CALN1: variants seen among roughly 807,000 people sequenced by gnomAD.
The protein encoded by CALN1 is calcium-binding protein 8.
Under a neutral mutation model 30.6 loss-of-function variants are expected in CALN1, and 17 were observed. That is an observed-to-expected ratio of 0.56 (90% CI 0.38 to 0.83). CALN1 has a LOEUF of 0.83. Ranked by LOEUF, CALN1 falls within the 40% of genes least tolerant of loss-of-function variation. CALN1 has a pLI of 0.00. For missense variants in CALN1, 291 were observed against 354.9 expected, an observed-to-expected ratio of 0.82 and a Z score of 1.45; for synonymous variants, 156 against 131.4, an observed-to-expected ratio of 1.19 and a Z score of -1.28.
At chr7:71,942,934 G>A (rs539089224) in intron 5 of CALN1, among the ~76,000 whole-genome samples, 9 of 152,178 alleles carry the variant, frequency 5.9e-5, no homozygotes, top group African/African-American at 1.2e-4. Flanking sequence ...GAATGTAACC[G>A]TTTGTGTATC....
chr7:72,354,565 G>GA (rs1562916562), intron 2 of CALN1, among the ~76,000 whole-genome samples: 2 of 152,184 alleles, frequency 1.3e-5, no homozygotes. Flanking sequence ...AGCTAATCAA[G>GA]AGAGTGTGGT....
chr7:71,806,869 G>A (rs1293926227), intron 6 of CALN1, among the ~76,000 whole-genome samples: 2 of 152,128 alleles, frequency 1.3e-5, no homozygotes, highest in Non-Finnish European at 2.9e-5. Flanking sequence ...TGGATTTGAG[G>A]GTTCCTCCTG....
chr7:72,461,640 C>A, the CALN1 span, among the ~76,000 whole-genome samples: 1 of 152,138 alleles, frequency 6.6e-6, no homozygotes, highest in Admixed American at 6.5e-5. Context: ...GAATAATGGA[C>A]CCTGGGGACT....
intron 2 of CALN1, among the ~76,000 whole-genome samples, chr7:72,326,453 C>A (rs771133186): frequency 9.9e-5 from 15 of 152,134 alleles, no homozygotes; most frequent in East Asian, 1.9e-4. Flanking sequence ...AGTTTGCCTG[C>A]TGAGATGGAA....
chr7:72,384,897 C>T (rs562112566), intron 2 of CALN1, among the ~76,000 whole-genome samples: 35 of 151,856 alleles, frequency 2.3e-4, no homozygotes, highest in Non-Finnish European at 4.1e-4. Context: ...TATTTGAGAA[C>T]GCATATCTGA....
chr7:72,385,357 T>C (rs910717692), intron 2 of CALN1, among the ~76,000 whole-genome samples: 1 of 152,212 alleles, frequency 6.6e-6, no homozygotes, highest in Non-Finnish European at 1.5e-5. Context: ...CAAATGTTTA[T>C]AGCAGCTTTA....
At chr7:72,074,947 T>C (rs1010492399) in intron 4 of CALN1, among the ~76,000 whole-genome samples, 1 of 152,168 alleles carries the variant, frequency 6.6e-6, no homozygotes, top group Non-Finnish European at 1.5e-5. Flanking sequence ...AGTCAAAAAC[T>C]TATTAATTAA....
intron 3 of CALN1, among the ~76,000 whole-genome samples, chr7:72,171,274 T>G (rs1335523163): frequency 1.4e-5 from 2 of 139,138 alleles, no homozygotes; most frequent in African/African-American, 2.7e-5. Flanking sequence ...AGCCAAGGAC[T>G]TGGGTATTAA....
chr7:72,413,652 C>G (rs963847792), upstream of CALN1, among the ~76,000 whole-genome samples: 3 of 151,944 alleles, frequency 2.0e-5, no homozygotes, highest in Non-Finnish European at 4.4e-5. Flanking sequence ...CATATAAACT[C>G]ACAGTTATGC....
chr7:72,299,765 G>T (rs539613311), intron 2 of CALN1, among the ~76,000 whole-genome samples: 1 of 150,970 alleles, frequency 6.6e-6, no homozygotes, highest in Non-Finnish European at 1.5e-5. Context: ...AAACTCCTGG[G>T]TTCAAGGGAT....
rs537024732 is a variant in CALN1, at chr7:72,140,716, C to T, written c.245-34422G>A. On this transcript the variant is annotated intron_variant, in intron 3 of 6. Coordinates refer to ENST00000395275, the MANE Select transcript of CALN1 (RefSeq NM_031468.4). ...TGTGAGCTGGTCCTGTACCCAGATACTGGGGTGGCCTTGGCAGGGCCCTGG... is the reference window on the plus strand; with the variant it reads ...TGTGAGCTGGTCCTGTACCCAGATATTGGGGTGGCCTTGGCAGGGCCCTGG... Among the ~76,000 whole-genome samples the T allele has an allele frequency of 8.5e-5, 13 of 152,324 alleles. No homozygotes were observed. The South Asian group carries it at 2.7e-3, about 32-fold the overall frequency.
intron 4 of CALN1, among the ~76,000 whole-genome samples, chr7:72,064,165 C>T (rs1029638612): frequency 7.2e-5 from 11 of 151,802 alleles, no homozygotes; most frequent in Non-Finnish European, 1.6e-4. Flanking sequence ...TCCTGTAATC[C>T]CAGCTACTCA....
intron 2 of CALN1, among the ~76,000 whole-genome samples, chr7:72,382,150 G>A (rs910665379): frequency 6.6e-6 from 1 of 152,182 alleles, no homozygotes; most frequent in Non-Finnish European, 1.5e-5. Context: ...GCAAGTGTTG[G>A]AGTCAAGTCC....
intron 5 of CALN1, among the ~76,000 whole-genome samples, chr7:71,929,983 TGTC>T (rs1253502207): frequency 6.6e-6 from 1 of 152,230 alleles, no homozygotes; most frequent in Admixed American, 6.5e-5. Context: ...TATAAAATGA[TGTC>T]GTATTTGCAT....
intron 3 of CALN1, among the ~76,000 whole-genome samples, chr7:72,202,039 C>G (rs1386997236): frequency 6.6e-6 from 1 of 152,152 alleles, no homozygotes; most frequent in African/African-American, 2.4e-5. Flanking sequence ...CAAAACAATT[C>G]AAGGACACGT....
intron 5 of CALN1, among the ~76,000 whole-genome samples, chr7:72,007,161 G>A (rs758923345): frequency 6.6e-6 from 1 of 152,206 alleles, no homozygotes; most frequent in Non-Finnish European, 1.5e-5. Context: ...AGCTTCCCTT[G>A]CTGCCACGTA....
chr7:72,315,705 TAA>T (rs967642012), intron 2 of CALN1, among the ~76,000 whole-genome samples: 3 of 140,400 alleles, frequency 2.1e-5, no homozygotes, highest in Non-Finnish European at 3.1e-5. Flanking sequence ...ACCCTGTCTC[TAA>T]AAAAAAAAAA....
At chr7:72,172,259 G>T (rs1237507122) in intron 3 of CALN1, among the ~76,000 whole-genome samples, 1 of 152,190 alleles carries the variant, frequency 6.6e-6, no homozygotes, top group African/African-American at 2.4e-5. Context: ...TAAAAATGAA[G>T]TCATCCTTGC....
chr7:72,333,824 C>A (rs888955306), intron 2 of CALN1, among the ~76,000 whole-genome samples: 1 of 152,298 alleles, frequency 6.6e-6, no homozygotes, highest in African/African-American at 2.4e-5. Flanking sequence ...ACAGACACAG[C>A]TCCTCCTGTG....
Sources: gnomAD v4.1 joint callset for allele counts (sites outside exome capture counted in the v4.1 genomes callset) on GRCh38, gnomAD v4.1.1 for gene constraint, MANE v1.5 for transcripts, NCBI Gene and HGNC (gene_info 2026-07-23, HGNC 2026-07-21) for gene names.